The following CASZ1 variants were observed in gnomAD, a reference collection of about 807,000 sequenced individuals.
CASZ1 encodes the protein castor zinc finger 1, also known as zinc finger protein castor homolog 1.
In CASZ1, 28 loss-of-function variants were observed where a neutral mutation model predicts 135.2. The ratio of observed to expected loss-of-function variants is 0.21; its 90% CI spans 0.15 to 0.28. The LOEUF (loss-of-function observed/expected upper bound fraction) is 0.28, where lower values mean the gene tolerates loss of function less well. Among genes scored for constraint, CASZ1 ranks in the 10% least tolerant of loss-of-function variants. The pLI, the probability that CASZ1 is intolerant of heterozygous loss-of-function variation, is 1.00. For missense variants in CASZ1, 2,161 were observed against 2,453.3 expected (o/e 0.88, Z 2.52); for synonymous variants, 1,068 against 1,073.4 (o/e 0.99, Z 0.10).
chr1:10,777,137 C>T lies in CASZ1; in HGVS notation c.-233-16280G>A, dbSNP rs923708278. On this transcript the variant is annotated intron_variant, in intron 1 of 20. Transcript: ENST00000377022. This position sits in a 1 kb window ranked among gnomAD's most constrained non-coding sequence, Gnocchi z 4.4. ...CTCCCTCTGGGCCTCAGTTTCCCCACCTGTAAACCAGGACAATAACCTGTG... is the reference window on the plus strand; with the variant it reads ...CTCCCTCTGGGCCTCAGTTTCCCCATCTGTAAACCAGGACAATAACCTGTG... Among the ~76,000 whole-genome samples the T allele has an allele frequency of 1.3e-5, 2 of 152,198 alleles. No homozygotes were observed. Among genetic ancestry groups the T allele is most frequent in the Non-Finnish European group, 2.9e-5 (2 of 68,042 alleles).
intron 2 of CASZ1, among the ~76,000 whole-genome samples, chr1:10,745,624 C>A (rs1640025246): frequency 6.6e-6 from 1 of 152,178 alleles, no homozygotes; most frequent in Admixed American, 6.5e-5. Context: ...CCTGCATTTT[C>A]ATTGTGCACT....
At chr1:10,779,188 C>G (rs1570585798) in intron 1 of CASZ1, among the ~76,000 whole-genome samples, 1 of 151,950 alleles carries the variant, frequency 6.6e-6, no homozygotes. Flanking sequence ...AGCCCCACCC[C>G]GTCTTCCCTG....
At chr1:10,744,273 G>A (rs1639994976) in intron 2 of CASZ1, among the ~76,000 whole-genome samples, 1 of 151,630 alleles carries the variant, frequency 6.6e-6, no homozygotes, top group Non-Finnish European at 1.5e-5. Context: ...CAAGGGTGGG[G>A]TCCTGGGGCG....
chr1:10,740,978 G>GA (rs1314092128), intron 2 of CASZ1, among the ~76,000 whole-genome samples: 4 of 95,234 alleles, frequency 4.2e-5, no homozygotes, highest in African/African-American at 1.1e-4. Flanking sequence ...AAAAAAAAAA[G>GA]AAAAAAAAGT....
At position 10,639,083 on chromosome 1, in the gene CASZ1, CTCG is replaced by C. The variant is rs201089181; in HGVS notation, c.5136_5138del (p.Asp1712del). ...ACTCCTCCGAGTCGGTGCGCAGGTC[CTCG>C]TCGTCGTCGTCCTCGTCGTCGTCCT... On this transcript the variant is annotated inframe_deletion, in exon 21 of 21. Coordinates refer to ENST00000377022, the MANE Select transcript of CASZ1 (RefSeq NM_001079843.3). This position sits in a 1 kb window ranked among gnomAD's most constrained non-coding sequence, Gnocchi z 4.0. 1.0e-4 allele frequency: 116 copies of C among 1,146,300 alleles called. No homozygotes were observed. Among genetic ancestry groups the C allele is most frequent in the Middle Eastern group, 6.7e-4 (2 of 2,998 alleles). 71.0% of individuals were successfully genotyped at this position (1,146,300 alleles called of 1,614,324 possible).
intron 18 of CASZ1, 34 bp downstream of exon 18, chr1:10,644,883 G>A (rs778140587): frequency 9.9e-5 from 157 of 1,590,418 alleles, no homozygotes; most frequent in Middle Eastern, 5.2e-4. Flanking sequence ...GATGCCTGCT[G>A]CAAGTCCCTG....
intron 4 of CASZ1, among the ~76,000 whole-genome samples, chr1:10,669,288 T>G (rs1441586064): frequency 6.6e-6 from 1 of 152,164 alleles, no homozygotes; most frequent in Non-Finnish European, 1.5e-5. Context: ...AAGCCGGCCC[T>G]AGGAAATCCC....
intron 4 of CASZ1, among the ~76,000 whole-genome samples, chr1:10,671,695 A>G (rs961764717): frequency 5.9e-5 from 9 of 152,314 alleles, no homozygotes; most frequent in African/African-American, 1.9e-4. Flanking sequence ...AAAAGGAGGC[A>G]GGAGGCTGTA....
At chr1:10,691,106 CTT>C (rs1156824348) in intron 4 of CASZ1, among the ~76,000 whole-genome samples, 1 of 129,930 alleles carries the variant, frequency 7.7e-6, no homozygotes, top group African/African-American at 2.7e-5. Flanking sequence ...CCTCTCTTTC[CTT>C]TTTTTTTTAT....
rs1389638996 is a variant in CASZ1, at chr1:10,656,686, C to A, written c.1460G>T (p.Arg487Leu). ...AGGGTCAAGGCAGTGGTAGTGCTCG[C>A]GGTACTGGTAGGCACAGTGGATGTG... Reference protein sequence around the residue: ...CGHIHCAYQYREHYHCLDPEC... With the variant: ...CGHIHCAYQYLEHYHCLDPEC... Residue 487 changes from arginine to leucine, a missense_variant, in exon 8 of 21, where the codon CGC becomes CTC. This residue lies in a region of CASZ1 where 248 missense variants were observed against 410.8 expected (regional missense o/e 0.60). Transcript: ENST00000377022. 6.2e-7 allele frequency: 1 copy of A among 1,604,242 alleles called. No individual in the cohort carries two copies. The highest frequency in any genetic ancestry group is 8.5e-7 in the Non-Finnish European group (1 of 1,176,278).
intron 4 of CASZ1, among the ~76,000 whole-genome samples, chr1:10,692,305 C>A (rs1406235505): frequency 1.3e-5 from 2 of 152,242 alleles, no homozygotes; most frequent in African/African-American, 4.8e-5. Flanking sequence ...GTCCTGTGTG[C>A]TGGCCCACAA....
intron 1 of CASZ1, among the ~76,000 whole-genome samples, chr1:10,791,949 G>A (rs1439509251): frequency 6.6e-6 from 1 of 152,048 alleles, no homozygotes; most frequent in African/African-American, 2.4e-5. Flanking sequence ...AGGAGAATAT[G>A]CAAACTCCTG....
In CASZ1 at chr1:10,665,534, C is replaced by A; in HGVS notation, c.54G>T (p.Lys18Asn). 6.3e-7 allele frequency: 1 copy of A among 1,592,712 alleles called. No homozygotes were observed. The highest frequency in any genetic ancestry group is 1.3e-5 in the African/African-American group (1 of 74,812). The change falls in exon 5 of 21, where the codon AAG becomes AAT. Residue 18 changes from lysine (K) to asparagine (N), a missense_variant. Physicochemically the swap from Lys to Asn is moderately conservative, Grantham distance 94. Around this residue, in one of 7 missense-constraint regions of CASZ1, gnomAD observed 590 missense variants for 609.8 expected, o/e 0.97. Coordinates refer to ENST00000377022, the MANE Select transcript of CASZ1 (RefSeq NM_001079843.3). ...CCTTGCGTTTGGGCGCCATGGCGGG[C>A]TTGCCTGCAGGCGGGTCCGTGCACC... The part of the protein sequence containing the change: ...GTRCTDPPAG[K>N]PAMAPKRKGG...
chr1:10,639,393 G>A lies in CASZ1; in HGVS notation c.4829C>T (p.Pro1610Leu). The A allele has an allele frequency of 6.5e-7, 1 of 1,545,962 alleles. No individual in the cohort carries two copies. The highest frequency in any genetic ancestry group is 8.7e-7 in the Non-Finnish European group (1 of 1,145,906). ...GCCGTCCAGACTGATGGGAGGCCCG[G>A]GCGCGGGGCCCTCTGCCGCGGGCTC... is the stretch of plus-strand genomic sequence containing the variant. ...RGEPAAEGPA[P>L]GPPISLDGSL... The change falls in exon 21 of 21, where the codon CCC (proline) becomes CTC (leucine). Residue 1610 changes from proline to leucine, a missense_variant. By Grantham distance (98) the Pro-to-Leu change is moderately conservative (BLOSUM62 -3). This residue lies in a region of CASZ1 where 240 missense variants were observed against 321.4 expected (regional missense o/e 0.75). Transcript: ENST00000377022. This position sits in a 1 kb window ranked among gnomAD's most constrained non-coding sequence, Gnocchi z 4.0.
chr1:10,649,401 TCAG>T lies in CASZ1; in HGVS notation c.2914_2916del (p.Leu972del), dbSNP rs1478629328. The T allele has an allele frequency of 1.2e-6, 2 of 1,611,350 alleles. No individual in the cohort carries two copies. Among genetic ancestry groups the T allele is most frequent in the Non-Finnish European group, 1.7e-6 (2 of 1,179,204 alleles). On this transcript the variant is annotated inframe_deletion, in exon 14 of 21. Transcript: ENST00000377022. ...CTCCCCTCCGCTTCCGCCTTGATGT[TCAG>T]CAGGCTGCCCAGGCCAGGGTTGCCC...
At chr1:10,750,044 T>C (rs1640122001) in intron 2 of CASZ1, among the ~76,000 whole-genome samples, 1 of 152,130 alleles carries the variant, frequency 6.6e-6, no homozygotes, top group East Asian at 1.9e-4. Flanking sequence ...TGCAGGCAGC[T>C]TGCCTAGACA....
intron 8 of CASZ1, 49 bp from the exon 9 acceptor site, chr1:10,655,862 C>T (rs767737134): frequency 1.3e-6 from 2 of 1,591,678 alleles, no homozygotes; most frequent in Non-Finnish European, 1.7e-6. Context: ...TCCCCCTCCG[C>T]CCTTCCTCCC....
In CASZ1 at chr1:10,726,508, C is replaced by T. The variant is rs949336319; in HGVS notation, c.-76-20964G>A. Among the ~76,000 whole-genome samples, 1 of 152,202 alleles carries T rather than the reference C, an allele frequency of 6.6e-6. No individual in the cohort carries two copies. The highest frequency in any genetic ancestry group is 1.5e-5 in the Non-Finnish European group (1 of 68,018). ...CCAGGCTGGGGCCGGTGGAGGATGC[C>T]ACCTTTTCCTCGTGCCGCCTCAGGC... On this transcript the variant is annotated intron_variant, in intron 2 of 20. Transcript: ENST00000377022. The surrounding 1 kb of genome is among the most constrained non-coding windows in gnomAD (Gnocchi z 5.7).
In CASZ1 at chr1:10,729,419, C is replaced by T. The variant is rs151014060; in HGVS notation, c.-76-23875G>A. Among the ~76,000 whole-genome samples the T allele has an allele frequency of 9.6e-3, 1,462 of 152,268 alleles. 37 individuals are homozygous for T. The highest frequency in any genetic ancestry group is 0.033 in the African/African-American group (1,384 of 41,540). On this transcript the variant is annotated intron_variant, in intron 2 of 20. Coordinates refer to ENST00000377022, the MANE Select transcript of CASZ1 (RefSeq NM_001079843.3). ...CACCCCATGAGAACTCCCCCACCCCCTTAGCTATCTTTCCCACCGCAGCTC... is the reference window on the plus strand; with the variant it reads ...CACCCCATGAGAACTCCCCCACCCCTTTAGCTATCTTTCCCACCGCAGCTC...
Sources: allele counts gnomAD v4.1 joint callset (sites outside exome capture counted in the v4.1 genomes callset), GRCh38; gene constraint gnomAD v4.1.1; regional missense constraint gnomAD v4.1.1; non-coding constraint Gnocchi (gnomAD v3.1); transcripts MANE v1.5; gene names NCBI Gene and HGNC (gene_info 2026-07-23, HGNC 2026-07-21).